The following ZNF331 variants were observed in gnomAD, a reference collection of about 807,000 sequenced individuals.
ZNF331 encodes the protein C2H2-like zinc finger protein rearranged in thyroid adenomas.
Under a neutral mutation model 7.0 loss-of-function variants are expected in ZNF331, and 2 were observed. The ratio of observed to expected loss-of-function variants is 0.29; its 90% CI spans 0.12 to 0.90. The LOEUF is 0.90. Ranked by LOEUF, ZNF331 falls within the 40% of genes least tolerant of loss-of-function variation. ZNF331 has a pLI of 0.58. For missense variants in ZNF331, 432 were observed against 587.7 expected, an observed-to-expected ratio of 0.74 and a Z score of 2.74; for synonymous variants, 196 against 205.4, an observed-to-expected ratio of 0.95 and a Z score of 0.39.
chr19:53,533,956 T>G (rs1205834392), upstream of ZNF331, among the ~76,000 whole-genome samples: 1 of 152,232 alleles, frequency 6.6e-6, no homozygotes, highest in African/African-American at 2.4e-5. Flanking sequence ...GAATGGTATA[T>G]GTGTTATATG....
chr19:53,536,697 C>T (rs576259629), upstream of ZNF331, among the ~76,000 whole-genome samples: 12 of 152,208 alleles, frequency 7.9e-5, no homozygotes, highest in South Asian at 2.1e-3. Context: ...GTCGGGAGTT[C>T]GAGTCCAGCC....
the ZNF331 span, chr19:53,503,791 A>G: frequency 1.4e-6 from 1 of 699,806 alleles, no homozygotes; most frequent in Non-Finnish European, 2.6e-6. Flanking sequence ...TGTGTTCCTC[A>G]GCTGGCTCCT....
intron 4 of ZNF331, among the ~76,000 whole-genome samples, chr19:53,570,443 T>C (rs1373422970): frequency 6.6e-6 from 1 of 152,184 alleles, no homozygotes; most frequent in Non-Finnish European, 1.5e-5. Context: ...GTGTGGGAAT[T>C]TTTTAAATGC....
At chr19:53,536,004 A>G (rs1484393644), upstream of ZNF331, among the ~76,000 whole-genome samples, 13 of 152,058 alleles carry the variant, frequency 8.5e-5, no homozygotes, top group Non-Finnish European at 1.9e-4. Flanking sequence ...GGGTTTCACC[A>G]TGTTGCCCAG....
At chr19:53,556,295 A>C (rs1226367973) in intron 3 of ZNF331, among the ~76,000 whole-genome samples, 1 of 151,188 alleles carries the variant, frequency 6.6e-6, no homozygotes, top group Non-Finnish European at 1.5e-5. Context: ...TTTTGTAAAT[A>C]TCCTATCCAA....
chr19:53,505,279 A>C, the ZNF331 span, among the ~76,000 whole-genome samples: 1 of 147,228 alleles, frequency 6.8e-6, no homozygotes, highest in Non-Finnish European at 1.5e-5. Context: ...CCGTTTTTTC[A>C]TTTTGTTGTG....
intron 2 of ZNF331, among the ~76,000 whole-genome samples, chr19:53,543,119 C>T (rs2088298620): frequency 6.7e-6 from 1 of 149,730 alleles, no homozygotes; most frequent in Non-Finnish European, 1.5e-5. Context: ...GCACATTTTA[C>T]CATTAGAAAA....
rs146777130 is a variant in ZNF331, at chr19:53,547,035, C to G, written c.-138+7753C>G. Among the ~76,000 whole-genome samples, 211 of 152,230 alleles carry G rather than the reference C, an allele frequency of 1.4e-3. 2 individuals are homozygous for G. The highest frequency in any genetic ancestry group is 3.9e-3 in the African/African-American group (162 of 41,528). On this transcript the variant is annotated intron_variant, in intron 2 of 5. Coordinates refer to ENST00000449416, the MANE Select transcript of ZNF331 (RefSeq NM_001079906.2). ...TGTTTATACTGCAGATTAAATCAAGCTGATTAACATATCCCTCCCTCAACT... is the reference window on the plus strand; with the variant it reads ...TGTTTATACTGCAGATTAAATCAAGGTGATTAACATATCCCTCCCTCAACT...
chr19:53,575,029 C>A (rs531440735), intron 5 of ZNF331, among the ~76,000 whole-genome samples: 5 of 150,430 alleles, frequency 3.3e-5, no homozygotes, highest in African/African-American at 1.2e-4. Context: ...CCTTGACTTC[C>A]GGGCTCAAGC....
chr19:53,535,417 A>C (rs2087709027), upstream of ZNF331, among the ~76,000 whole-genome samples: 2 of 152,158 alleles, frequency 1.3e-5, no homozygotes, highest in South Asian at 4.1e-4. Flanking sequence ...TACCATCTAA[A>C]GATAATTACT....
Position 53,577,940 on chromosome 19 carries a change from C to T in ZNF331, c.1380C>T (p.Ile460=). The T allele has an allele frequency of 6.2e-7, 1 of 1,610,982 alleles. No individual in the cohort carries two copies. ...HLNHLREHQR[I]HNS is the part of the protein sequence containing the mutation. Reference sequence around the variant, plus strand: ...ACCATCTCCGAGAACATCAGAGGATCCACAACAGTTGAAGAGCCTTTTGAA... The same window carrying T: ...ACCATCTCCGAGAACATCAGAGGATTCACAACAGTTGAAGAGCCTTTTGAA... Residue 460 remains isoleucine (I), a synonymous_variant, in exon 6 of 6, where the codon ATC becomes ATT. Coordinates refer to ENST00000449416, the MANE Select transcript of ZNF331 (RefSeq NM_001079906.2).
upstream of ZNF331, among the ~76,000 whole-genome samples, chr19:53,518,510 T>A (rs2086960766): frequency 6.6e-6 from 1 of 152,236 alleles, no homozygotes; most frequent in African/African-American, 2.4e-5. Flanking sequence ...TCTGTCTCTC[T>A]GGAGAACCCT....
Position 53,578,081 on chromosome 19 carries a change from A to G in ZNF331, c.*129A>G. 2 of 1,181,694 alleles carry G rather than the reference A, an allele frequency of 1.7e-6. No individual in the cohort carries two copies. Among genetic ancestry groups the G allele is most frequent in the South Asian group, 1.6e-5 (1 of 61,690 alleles). The allele number at this position is 1,181,694 out of a possible 1,614,324, so 73.2% of individuals were successfully genotyped here. A position where few individuals can be genotyped will look rare whatever the true frequency, so the allele number is the denominator to read the frequency against. ...AGAAATAAAGAATTTTAAGTCTCAA[A>G]TGGTGTGCCCTTCTGAGTAGCGTGA... On this transcript the variant is annotated 3_prime_UTR_variant, in exon 6 of 6. Coordinates refer to ENST00000449416, the MANE Select transcript of ZNF331 (RefSeq NM_001079906.2).
intron 2 of ZNF331, among the ~76,000 whole-genome samples, chr19:53,554,164 G>A (rs1393042136): frequency 3.3e-5 from 5 of 152,144 alleles, no homozygotes; most frequent in Non-Finnish European, 7.4e-5. Context: ...AGGGGTGCGC[G>A]CCAAGCATGG....
At chr19:53,544,431 G>C (rs1600293985) in intron 2 of ZNF331, among the ~76,000 whole-genome samples, 1 of 149,968 alleles carries the variant, frequency 6.7e-6, no homozygotes, top group East Asian at 2.0e-4. Flanking sequence ...TGTAGTCCCA[G>C]CTACTCGGGA....
At chr19:53,576,007 A>G (rs115425108) in intron 5 of ZNF331, among the ~76,000 whole-genome samples, 7,399 of 147,116 alleles carry the variant, frequency 0.05, 201 homozygotes, top group Non-Finnish European at 0.067. Context: ...GTTTTGAGAC[A>G]GAGTTTCATG....
At chr19:53,507,426 G>T in the ZNF331 span, among the ~76,000 whole-genome samples, 1 of 152,110 alleles carries the variant, frequency 6.6e-6, no homozygotes, top group African/African-American at 2.4e-5. Context: ...ACACAGAAAT[G>T]GTGTATTCTG....
At chr19:53,538,120 G>A (rs914980162), upstream of ZNF331, 2 of 131,466 alleles carry the variant, frequency 1.5e-5, no homozygotes, top group East Asian at 3.9e-4. Context: ...TGGCCTCCAG[G>A]GGGTGGCGGG....
At chr19:53,550,157 C>G (rs1258972072) in intron 2 of ZNF331, among the ~76,000 whole-genome samples, 1 of 152,206 alleles carries the variant, frequency 6.6e-6, no homozygotes, top group Non-Finnish European at 1.5e-5. Context: ...CTAACATGAT[C>G]TATCCTGGAG....
Sources: gnomAD v4.1 joint callset for allele counts (sites outside exome capture counted in the v4.1 genomes callset) on GRCh38, gnomAD v4.1.1 for gene constraint, MANE v1.5 for transcripts, NCBI Gene and HGNC (gene_info 2026-07-23, HGNC 2026-07-21) for gene names.